FAF1: variants seen among roughly 807,000 people sequenced by gnomAD.
FAF1 encodes FAS-associated factor 1.
Under a neutral mutation model 92.5 loss-of-function variants are expected in FAF1, and 25 were observed. That is an observed-to-expected ratio of 0.27 (90% CI 0.20 to 0.38). The LOEUF is 0.38. FAF1 is among the 10% of genes least tolerant of loss of function. FAF1 has a pLI of 1.00. For synonymous variants in FAF1, 234 were observed against 273.2 expected (o/e 0.86, Z 1.42); for missense variants, 636 against 793.3 (o/e 0.80, Z 2.38).
chr1:50,941,243 T>C (rs1401038809), intron 1 of FAF1, among the ~76,000 whole-genome samples: 3 of 152,112 alleles, frequency 2.0e-5, no homozygotes, highest in Non-Finnish European at 4.4e-5. Flanking sequence ...GCTCACTCAC[T>C]CTGTTGCCCA....
chr1:50,582,124 C>A (rs1008040836), intron 12 of FAF1, among the ~76,000 whole-genome samples: 1 of 152,112 alleles, frequency 6.6e-6, no homozygotes, highest in African/African-American at 2.4e-5. Flanking sequence ...ACAGAATAAT[C>A]ATTTTGGGAA....
At chr1:50,748,400 G>A (rs1659714607) in intron 4 of FAF1, among the ~76,000 whole-genome samples, 1 of 151,922 alleles carries the variant, frequency 6.6e-6, no homozygotes, top group Non-Finnish European at 1.5e-5. Context: ...AGGAGGCTGA[G>A]GCAGGAGAAT....
intron 18 of FAF1, among the ~76,000 whole-genome samples, chr1:50,454,787 A>G (rs1167136803): frequency 6.6e-6 from 1 of 152,198 alleles, no homozygotes. Context: ...TTTCACACTG[A>G]GTTATCTGTT....
At chr1:50,713,792 G>GACAGAGCA (rs1658053336) in intron 6 of FAF1, among the ~76,000 whole-genome samples, 1 of 31,128 alleles carries the variant, frequency 3.2e-5, no homozygotes, top group South Asian at 1.1e-3. Context: ...TTTTTTTTTT[G>GACAGAGCA]AGATGGAGTC....
At chr1:50,726,127 G>A (rs765354032) in intron 6 of FAF1, among the ~76,000 whole-genome samples, 43 of 151,918 alleles carry the variant, frequency 2.8e-4, no homozygotes, top group Non-Finnish European at 5.4e-4. Context: ...ACAGTGGTGG[G>A]CACCTGTAAT....
intron 7 of FAF1, among the ~76,000 whole-genome samples, chr1:50,689,939 C>T (rs764556024): frequency 1.3e-5 from 2 of 151,648 alleles, no homozygotes; most frequent in Admixed American, 6.6e-5. Context: ...TTATTAAACA[C>T]TCTACAGTAT....
intron 8 of FAF1, among the ~76,000 whole-genome samples, chr1:50,632,404 G>C (rs1031207701): frequency 2.0e-5 from 3 of 152,072 alleles, no homozygotes; most frequent in African/African-American, 7.2e-5. Context: ...AAGCCAAATT[G>C]CTCTTCTGAA....
At chr1:50,863,514 T>A (rs2124672323) in intron 1 of FAF1, among the ~76,000 whole-genome samples, 1 of 151,794 alleles carries the variant, frequency 6.6e-6, no homozygotes, top group South Asian at 2.1e-4. Flanking sequence ...ACAACCAATA[T>A]CAGAGCAGAA....
intron 13 of FAF1, among the ~76,000 whole-genome samples, chr1:50,555,982 T>C (rs1649556913): frequency 6.6e-6 from 1 of 151,644 alleles, no homozygotes; most frequent in African/African-American, 2.4e-5. Flanking sequence ...ATTATATATA[T>C]GGTGTGTATA....
chr1:50,589,808 T>C (rs1027036726), intron 9 of FAF1, among the ~76,000 whole-genome samples: 10 of 152,248 alleles, frequency 6.6e-5, no homozygotes, highest in African/African-American at 2.4e-4. Context: ...TGTATTGTTT[T>C]AGATCTTACA....
chr1:50,638,089 A>G (rs949488948), intron 8 of FAF1, among the ~76,000 whole-genome samples: 15 of 152,172 alleles, frequency 9.9e-5, no homozygotes, highest in Non-Finnish European at 1.6e-4. Context: ...TAAGTTTTCT[A>G]AAACCCATTT....
intron 4 of FAF1, among the ~76,000 whole-genome samples, chr1:50,783,402 G>A (rs370730696): frequency 4.5e-4 from 68 of 152,234 alleles, no homozygotes; most frequent in African/African-American, 5.5e-4. Context: ...GCTATCAGAC[G>A]AAAAGAAAAC....
rs1321799574 is a variant in FAF1, at chr1:50,658,716, C to T, written c.658-3188G>A. ...TTGTCATAGAATAAACTGGCTAATG[C>T]AGACAGAACTTGGCTGAGAGAGTCC... is the stretch of plus-strand genomic sequence containing the variant. On this transcript the variant is annotated intron_variant, in intron 7 of 18. Coordinates refer to ENST00000396153, the MANE Select transcript of FAF1 (RefSeq NM_007051.3). Among the ~76,000 whole-genome samples the T allele has an allele frequency of 4.6e-5, 7 of 152,218 alleles. No individual in the cohort carries two copies. The East Asian group carries it at 1.3e-3, about 29-fold the overall frequency.
At chr1:50,931,200 A>G (rs1645044429) in intron 1 of FAF1, among the ~76,000 whole-genome samples, 1 of 152,210 alleles carries the variant, frequency 6.6e-6, no homozygotes, top group African/African-American at 2.4e-5. Flanking sequence ...TAAGTTTACT[A>G]TCTTGGTTCT....
At position 50,441,436 on chromosome 1, in the gene FAF1, G is replaced by C. The variant is rs200710823; in HGVS notation, c.*4C>G. On this transcript the variant is annotated 3_prime_UTR_variant, in exon 19 of 19. Coordinates refer to ENST00000396153, the MANE Select transcript of FAF1 (RefSeq NM_007051.3). ...GAATGGCTGGTTCCACCGCTGGGCC[G>C]TGTTTACTCTTTTGCTTCAAGGAAA... 87 of 1,525,522 alleles carry C rather than the reference G, an allele frequency of 5.7e-5. No individual in the cohort carries two copies. The highest frequency in any genetic ancestry group is 6.2e-6 in the Non-Finnish European group (7 of 1,128,344). The allele number at this position is 1,525,522 out of a possible 1,614,324, so 94.5% of individuals were successfully genotyped here.
At chr1:50,736,674 C>G (rs556965631) in intron 6 of FAF1, among the ~76,000 whole-genome samples, 45 of 152,098 alleles carry the variant, frequency 3.0e-4, no homozygotes, top group African/African-American at 1.0e-3. Context: ...TTGCTTGAAC[C>G]CAGGAGGCGG....
intron 14 of FAF1, among the ~76,000 whole-genome samples, chr1:50,535,698 T>C (rs1001986821): frequency 1.3e-5 from 2 of 152,228 alleles, no homozygotes; most frequent in African/African-American, 4.8e-5. Flanking sequence ...AGTTTCTTAA[T>C]GAGAAGGACT....
intron 13 of FAF1, among the ~76,000 whole-genome samples, chr1:50,558,029 GCTGGGA>G (rs1248086574): frequency 1.3e-5 from 2 of 151,896 alleles, no homozygotes; most frequent in African/African-American, 4.8e-5. Flanking sequence ...CTCCCAAGTA[GCTGGGA>G]CTACAGGCAT....
At position 50,466,359 on chromosome 1, in the gene FAF1, T is replaced by C. The variant is rs540696466; in HGVS notation, c.1869+9105A>G. Among the ~76,000 whole-genome samples, 5 of 152,208 alleles carry C rather than the reference T, an allele frequency of 3.3e-5. No homozygotes were observed. In the South Asian group the frequency reaches 8.3e-4, roughly 25 times the overall value. On this transcript the variant is annotated intron_variant, in intron 18 of 18. Transcript: ENST00000396153. ...GGAGGAGCAGGTTTTTAGGGGACAG[T>C]AGGAATCAGGAATTAAGTTCTGACT...
Sources: gnomAD v4.1 joint callset for allele counts (sites outside exome capture counted in the v4.1 genomes callset) on GRCh38, gnomAD v4.1.1 for gene constraint, MANE v1.5 for transcripts, NCBI Gene and HGNC (gene_info 2026-07-23, HGNC 2026-07-21) for gene names.